Variants in CDH22 observed in about 807,000 individuals in gnomAD.
CDH22 encodes the protein cadherin-22.
CDH22 carries 30 observed loss-of-function variants against 58.4 expected under a neutral mutation model. The ratio of observed to expected loss-of-function variants is 0.51; its 90% CI spans 0.38 to 0.70. The LOEUF (loss-of-function observed/expected upper bound fraction) is 0.70, where lower values mean the gene tolerates loss of function less well. CDH22 is among the 30% of genes least tolerant of loss of function. CDH22 has a pLI of 0.00. For missense variants in CDH22, 1,014 were observed against 1,233.9 expected, an observed-to-expected ratio of 0.82 and a Z score of 2.67; for synonymous variants, 513 against 558.2, an observed-to-expected ratio of 0.92 and a Z score of 1.14.
intron 1 of CDH22, among the ~76,000 whole-genome samples, chr20:46,299,687 A>G (rs1395306658): frequency 1.3e-5 from 2 of 152,284 alleles, no homozygotes; most frequent in Non-Finnish European, 2.9e-5. Context: ...AGAGCACTGA[A>G]TATGGGCCTA....
chr20:46,303,144 C>T (rs1600732029), intron 1 of CDH22, among the ~76,000 whole-genome samples: 3 of 152,214 alleles, frequency 2.0e-5, no homozygotes, highest in South Asian at 4.1e-4. Context: ...CTGCCCACCT[C>T]GCTGGCCTGG....
chr20:46,181,054 G>T (rs539329413), intron 10 of CDH22, among the ~76,000 whole-genome samples: 1 of 151,346 alleles, frequency 6.6e-6, no homozygotes, highest in Non-Finnish European at 1.5e-5. Flanking sequence ...GGCATTACAG[G>T]CATAAGCCAC....
chr20:46,197,953 G>A lies in CDH22; in HGVS notation c.1423+1470C>T, dbSNP rs2085919690. Among the ~76,000 whole-genome samples the A allele has an allele frequency of 2.0e-5, 3 of 152,122 alleles. 1 individual carries two copies. Among genetic ancestry groups the A allele is most frequent in the South Asian group, 4.1e-4 (2 of 4,824 alleles). On this transcript the variant is annotated intron_variant, in intron 8 of 11. Transcript: ENST00000537909. ...GGAGGGGCCTGGGGCAGAGGGGCCT[G>A]GGATCCTGATGGGCAGAGGCGAGTT... is the stretch of plus-strand genomic sequence containing the variant.
At chr20:46,192,252 T>C (rs925769474) in intron 8 of CDH22, among the ~76,000 whole-genome samples, 2 of 152,208 alleles carry the variant, frequency 1.3e-5, no homozygotes, top group Admixed American at 6.5e-5. Context: ...AATGAATGGA[T>C]TCCACTGTCT....
intron 1 of CDH22, among the ~76,000 whole-genome samples, chr20:46,288,829 T>C (rs1434289964): frequency 1.3e-5 from 2 of 152,186 alleles, no homozygotes; most frequent in African/African-American, 2.4e-5. Context: ...GTTAGCAGCC[T>C]GGTCCGGCCA....
intron 5 of CDH22, among the ~76,000 whole-genome samples, chr20:46,214,820 C>T (rs182123190): frequency 7.2e-5 from 11 of 152,348 alleles, no homozygotes; most frequent in Admixed American, 4.6e-4. Context: ...AGAATTACTG[C>T]GTTTTTACTC....
chr20:46,242,574 G>A (rs1193868995), intron 2 of CDH22, among the ~76,000 whole-genome samples: 1 of 152,242 alleles, frequency 6.6e-6, no homozygotes, highest in Admixed American at 6.5e-5. Flanking sequence ...CCAGCACGGT[G>A]GGGGCACTGC....
At chr20:46,261,812 G>A (rs1328764104) in intron 1 of CDH22, among the ~76,000 whole-genome samples, 1 of 152,128 alleles carries the variant, frequency 6.6e-6, no homozygotes, top group Non-Finnish European at 1.5e-5. Context: ...TAATGCAGGA[G>A]CTATTGAGGC....
At position 46,213,029 on chromosome 20, in the gene CDH22, C is replaced by T. The variant is rs1415032980; in HGVS notation, c.998G>A (p.Ser333Asn). The change falls in exon 6 of 12, where the codon AGC (serine) becomes AAC (asparagine). Residue 333 changes from serine to asparagine, a missense_variant. By Grantham distance (46) the Ser-to-Asn change is conservative (BLOSUM62 1). Transcript: ENST00000537909. The stretch of plus-strand genomic sequence containing the variant: ...TACGATGATGGCCTCCTGAGTGTCG[C>T]TGTCTGTGGTGACCTTGAACACATC... ...GGDVFKVTTD[S>N]DTQEAIIVVQ... The T allele has an allele frequency of 6.2e-7, 1 of 1,614,214 alleles. No homozygotes were observed. The highest frequency in any genetic ancestry group is 8.5e-7 in the Non-Finnish European group (1 of 1,180,028).
At chr20:46,274,625 G>A (rs541478338) in intron 1 of CDH22, among the ~76,000 whole-genome samples, 36 of 152,224 alleles carry the variant, frequency 2.4e-4, no homozygotes, top group Admixed American at 2.0e-3. Flanking sequence ...AAGCTCATAC[G>A]AAAATGTTCA....
At chr20:46,189,801 T>C (rs1427666310) in intron 8 of CDH22, among the ~76,000 whole-genome samples, 1 of 152,170 alleles carries the variant, frequency 6.6e-6, no homozygotes, top group African/African-American at 2.4e-5. Context: ...AGGGCTGGCA[T>C]GGAATCCCAG....
chr20:46,200,221 G>A (rs977761845), intron 7 of CDH22, among the ~76,000 whole-genome samples: 46 of 151,966 alleles, frequency 3.0e-4, no homozygotes, highest in African/African-American at 1.1e-3. Context: ...TGATCTGCCC[G>A]CCTTGGCCTC....
chr20:46,192,285 C>T (rs2085866547), intron 8 of CDH22, among the ~76,000 whole-genome samples: 1 of 152,160 alleles, frequency 6.6e-6, no homozygotes, highest in Non-Finnish European at 1.5e-5. Context: ...ACCATGGCCA[C>T]GCTCCAGGAG....
At chr20:46,233,740 C>T (rs1398587255) in intron 3 of CDH22, among the ~76,000 whole-genome samples, 1 of 152,230 alleles carries the variant, frequency 6.6e-6, no homozygotes, top group Non-Finnish European at 1.5e-5. Context: ...ATGGGGCCAA[C>T]TCCTGAGGAC....
At chr20:46,245,899 C>T (rs1600714688) in intron 2 of CDH22, among the ~76,000 whole-genome samples, 1 of 152,046 alleles carries the variant, frequency 6.6e-6, no homozygotes, top group South Asian at 2.1e-4. Flanking sequence ...AGTCTAAACC[C>T]CACCTAAAGT....
chr20:46,278,244 C>T (rs1320619710), intron 1 of CDH22, among the ~76,000 whole-genome samples: 2 of 152,236 alleles, frequency 1.3e-5, no homozygotes, highest in African/African-American at 2.4e-5. Flanking sequence ...GTGCTGGCCA[C>T]CAGCCCAGCC....
intron 4 of CDH22, among the ~76,000 whole-genome samples, chr20:46,224,793 C>T (rs1259721730): frequency 6.6e-6 from 1 of 152,158 alleles, no homozygotes; most frequent in Non-Finnish European, 1.5e-5. Flanking sequence ...TCACTGCCAC[C>T]CCCTATTCTC....
At position 46,300,240 on chromosome 20, in the gene CDH22, C is replaced by T. The variant is rs1037808765; in HGVS notation, c.-400+8015G>A. Among the ~76,000 whole-genome samples, 4 of 152,154 alleles carry T rather than the reference C, an allele frequency of 2.6e-5. No homozygotes were observed. Among genetic ancestry groups the T allele is most frequent in the Admixed American group, 1.3e-4 (2 of 15,280 alleles). ...CTGGCCTGGGGGGTGGGCTGCCTCT[C>T]CCAGGAACTCTCTGTTGTCCCTGAA... On this transcript the variant is annotated intron_variant, in intron 1 of 11. Transcript: ENST00000537909. This position sits in a 1 kb window ranked among gnomAD's most constrained non-coding sequence, Gnocchi z 4.4.
chr20:46,175,114 C>T lies in CDH22; in HGVS notation c.1916-37G>A, dbSNP rs377253125. 4 of 1,562,410 alleles carry T rather than the reference C, an allele frequency of 2.6e-6. No homozygotes were observed. In the African/African-American group the frequency reaches 5.6e-5, roughly 22 times the overall value. ...ACAGAGGGGGCAACTGAGGGCCAAGCCCCTCCCAGGGCATTAGAAGGACCC... is the reference window on the plus strand; with the variant it reads ...ACAGAGGGGGCAACTGAGGGCCAAGTCCCTCCCAGGGCATTAGAAGGACCC... On this transcript the variant is annotated intron_variant, in intron 11 of 11. Transcript: ENST00000537909.
Sources: gnomAD v4.1 joint callset for allele counts (sites outside exome capture counted in the v4.1 genomes callset) on GRCh38, gnomAD v4.1.1 for gene constraint, Gnocchi (gnomAD v3.1) non-coding constraint, MANE v1.5 for transcripts, NCBI Gene and HGNC (gene_info 2026-07-23, HGNC 2026-07-21) for gene names.